The following FOXN3 variants were observed in gnomAD, a reference collection of about 807,000 sequenced individuals.
FOXN3 encodes the protein forkhead box N3.
Under a neutral mutation model 38.4 loss-of-function variants are expected in FOXN3, and 7 were observed. The observed-to-expected ratio is 0.18, with a 90% CI of 0.10 to 0.34. The LOEUF is 0.34. Ranked by LOEUF, FOXN3 falls within the 10% of genes least tolerant of loss-of-function variation. The pLI is 1.00. For missense variants in FOXN3, 456 were observed against 613.4 expected, an observed-to-expected ratio of 0.74 and a Z score of 2.71; for synonymous variants, 230 against 242.2, an observed-to-expected ratio of 0.95 and a Z score of 0.47.
chr14:89,165,072 G>T (rs1461651197), intron 5 of FOXN3, among the ~76,000 whole-genome samples: 1 of 152,146 alleles, frequency 6.6e-6, no homozygotes, highest in Non-Finnish European at 1.5e-5. Flanking sequence ...AGAGCCTCCT[G>T]ATGAACCCCA....
At position 89,437,541 on chromosome 14, in the gene FOXN3, AC is replaced by A. The variant is rs1483712827; in HGVS notation, c.-14-25052del. ...GCTGTGTAAAATGAGGCTGAGACCT[AC>A]TGGGCTGCATTCCCAGACAGTTAAG... On this transcript the variant is annotated intron_variant, in intron 1 of 6. Coordinates refer to the FOXN3 transcript ENST00000345097. Among the ~76,000 whole-genome samples, 7 of 152,296 alleles carry A rather than the reference AC, an allele frequency of 4.6e-5. 1 individual carries two copies. The highest frequency in any genetic ancestry group is 3.4e-3 in the Middle Eastern group (1 of 294).
intron 4 of FOXN3, among the ~76,000 whole-genome samples, chr14:89,213,639 T>C (rs1332088123): frequency 6.6e-6 from 1 of 152,220 alleles, no homozygotes; most frequent in Non-Finnish European, 1.5e-5. Context: ...TAAGTAAAAC[T>C]TAAGTATTTG....
At chr14:89,211,686 T>A (rs1346172888) in intron 4 of FOXN3, among the ~76,000 whole-genome samples, 1 of 152,226 alleles carries the variant, frequency 6.6e-6, no homozygotes, top group African/African-American at 2.4e-5. Flanking sequence ...GGGGTAGCAC[T>A]GGCTTCAGAT....
At chr14:89,396,709 G>T (rs1366221876) in intron 2 of FOXN3, among the ~76,000 whole-genome samples, 1 of 152,016 alleles carries the variant, frequency 6.6e-6, no homozygotes, top group Admixed American at 6.6e-5. Flanking sequence ...GCAGATGCCT[G>T]TAATCCCAGC....
upstream of FOXN3, chr14:89,419,101 G>C (rs1436002958): frequency 2.2e-6 from 1 of 455,922 alleles, no homozygotes. Flanking sequence ...GTCATTCCAT[G>C]TGTGTTTTTG....
chr14:89,552,388 T>C (rs141310552), intron 1 of FOXN3, among the ~76,000 whole-genome samples: 3 of 152,206 alleles, frequency 2.0e-5, no homozygotes, highest in Non-Finnish European at 4.4e-5. Flanking sequence ...GAATAATGTG[T>C]AAATAAGCTG....
At chr14:89,215,330 G>A (rs918253225) in intron 4 of FOXN3, among the ~76,000 whole-genome samples, 96 of 142,160 alleles carry the variant, frequency 6.8e-4, no homozygotes, top group African/African-American at 2.5e-3. Flanking sequence ...CATTTCTTCA[G>A]AGTTAGGAGA....
At chr14:89,379,996 C>T (rs1028706921) in intron 2 of FOXN3, among the ~76,000 whole-genome samples, 32 of 152,260 alleles carry the variant, frequency 2.1e-4, no homozygotes, top group African/African-American at 7.7e-4. Context: ...AGTACCTTTT[C>T]CCATACCACT....
At position 89,581,091 on chromosome 14, in the gene FOXN3, A is replaced by G. The variant is rs563310507; in HGVS notation, c.-15+37937T>C. Among the ~76,000 whole-genome samples, 77 of 152,008 alleles carry G rather than the reference A, an allele frequency of 5.1e-4. 1 individual carries two copies. Among genetic ancestry groups the G allele is most frequent in the Admixed American group, 2.0e-3 (31 of 15,260 alleles). On this transcript the variant is annotated intron_variant, in intron 1 of 6. Coordinates refer to the FOXN3 transcript ENST00000345097. ...CAGTTACTTGGGAGGCTGGGGTGGA[A>G]GGATCACTTGAGCCTGGAAGGTCGA...
chr14:89,333,691 G>A (rs1888329431), intron 3 of FOXN3, among the ~76,000 whole-genome samples: 2 of 140,384 alleles, frequency 1.4e-5, no homozygotes, highest in Non-Finnish European at 3.0e-5. Context: ...GACAGAGGTT[G>A]CAGTGAGCCG....
intron 1 of FOXN3, among the ~76,000 whole-genome samples, chr14:89,456,894 G>T (rs557583321): frequency 3.3e-5 from 5 of 152,226 alleles, no homozygotes; most frequent in Non-Finnish European, 5.9e-5. Flanking sequence ...CAGGTCCTTT[G>T]TCTGTGAAGG....
At chr14:89,228,146 T>C (rs1884699084) in intron 4 of FOXN3, among the ~76,000 whole-genome samples, 1 of 152,242 alleles carries the variant, frequency 6.6e-6, no homozygotes, top group Non-Finnish European at 1.5e-5. Flanking sequence ...CATTAAAGTG[T>C]ATTGTTTAAA....
chr14:89,240,658 T>C (rs1885113620), intron 4 of FOXN3, among the ~76,000 whole-genome samples: 1 of 152,248 alleles, frequency 6.6e-6, no homozygotes, highest in Non-Finnish European at 1.5e-5. Flanking sequence ...GCATCAGCTG[T>C]CAAATGATAC....
At chr14:89,476,688 G>A (rs1024906416) in intron 1 of FOXN3, among the ~76,000 whole-genome samples, 3 of 152,208 alleles carry the variant, frequency 2.0e-5, no homozygotes, top group African/African-American at 7.2e-5. Context: ...TTCGCAGGGG[G>A]TTGGGTCCGC....
At chr14:89,435,065 C>CT (rs1163216945) in intron 1 of FOXN3, among the ~76,000 whole-genome samples, 2 of 152,152 alleles carry the variant, frequency 1.3e-5, no homozygotes, top group African/African-American at 4.8e-5. Flanking sequence ...ATATCCTAGA[C>CT]AAGAGGGTAA....
intron 1 of FOXN3, among the ~76,000 whole-genome samples, chr14:89,532,060 GC>G (rs1894582234): frequency 6.6e-6 from 1 of 152,146 alleles, no homozygotes; most frequent in Non-Finnish European, 1.5e-5. Flanking sequence ...CAGTGTTGTG[GC>G]CCTTCCCCAG....
intron 5 of FOXN3, among the ~76,000 whole-genome samples, chr14:89,176,259 T>C (rs981151418): frequency 2.6e-5 from 4 of 152,120 alleles, no homozygotes; most frequent in African/African-American, 7.2e-5. Flanking sequence ...ACCTGGCAAA[T>C]AGAAGCTGTG....
At chr14:89,612,758 G>T (rs1337590971) in intron 1 of FOXN3, among the ~76,000 whole-genome samples, 1 of 151,896 alleles carries the variant, frequency 6.6e-6, no homozygotes, top group Non-Finnish European at 1.5e-5. Flanking sequence ...GTTCGAGGCT[G>T]CAGTGAGCCC....
chr14:89,430,810 G>A (rs1339400286), intron 1 of FOXN3, among the ~76,000 whole-genome samples: 1 of 152,248 alleles, frequency 6.6e-6, no homozygotes, highest in Non-Finnish European at 1.5e-5. Flanking sequence ...CCAGACGGAG[G>A]TTCTGCCTAA....
Sources: gnomAD v4.1 joint callset for allele counts (sites outside exome capture counted in the v4.1 genomes callset) on GRCh38, gnomAD v4.1.1 for gene constraint, MANE v1.5 for transcripts, NCBI Gene and HGNC (gene_info 2026-07-23, HGNC 2026-07-21) for gene names.